Variants in TOX2 observed in about 807,000 individuals in gnomAD.
TOX2 encodes granulosa cell HMG box 1.
TOX2 carries 15 observed loss-of-function variants against 47.4 expected under a neutral mutation model. That is an observed-to-expected ratio of 0.32 (90% CI 0.21 to 0.49). The LOEUF (loss-of-function observed/expected upper bound fraction) is 0.49, where lower values mean the gene tolerates loss of function less well. Among genes scored for constraint, TOX2 ranks in the 20% least tolerant of loss-of-function variants. The pLI is 0.99. For missense variants in TOX2, 622 were observed against 673.1 expected (o/e 0.92, Z 0.84); for synonymous variants, 290 against 296.6 (o/e 0.98, Z 0.23).
At chr20:43,939,590 CA>C (rs1368567000) in intron 1 of TOX2, among the ~76,000 whole-genome samples, 5 of 152,172 alleles carry the variant, frequency 3.3e-5, no homozygotes, top group African/African-American at 1.2e-4. Flanking sequence ...GTAAGTCCCA[CA>C]AATGAATATG....
chr20:44,057,719 C>A (rs1385582692), intron 5 of TOX2, among the ~76,000 whole-genome samples: 1 of 151,852 alleles, frequency 6.6e-6, no homozygotes, highest in Non-Finnish European at 1.5e-5. Flanking sequence ...TGGCTTAAAA[C>A]AATAATCATT....
At chr20:43,995,276 G>A (rs1295492437) in intron 2 of TOX2, among the ~76,000 whole-genome samples, 2 of 152,046 alleles carry the variant, frequency 1.3e-5, no homozygotes, top group East Asian at 3.9e-4. Flanking sequence ...GGTGACATAG[G>A]GGTATTATCT....
chr20:43,997,882 G>A (rs1178851596), intron 2 of TOX2, among the ~76,000 whole-genome samples: 1 of 152,112 alleles, frequency 6.6e-6, no homozygotes, highest in Non-Finnish European at 1.5e-5. Flanking sequence ...GTATGTAGGA[G>A]GATTTCCCTC....
chr20:44,047,957 G>A (rs1468710696), intron 3 of TOX2, among the ~76,000 whole-genome samples: 1 of 152,016 alleles, frequency 6.6e-6, no homozygotes, highest in Admixed American at 6.5e-5. Context: ...GGTGGCTCAT[G>A]CCTGTAATCT....
intron 3 of TOX2, among the ~76,000 whole-genome samples, chr20:44,022,041 G>A (rs1600746968): frequency 6.6e-6 from 1 of 152,320 alleles, no homozygotes; most frequent in East Asian, 1.9e-4. Flanking sequence ...CTTAGCACGT[G>A]GCGGAAGGCC....
chr20:43,989,814 TA>T, intron 2 of TOX2, among the ~76,000 whole-genome samples: 1 of 152,006 alleles, frequency 6.6e-6, no homozygotes, highest in East Asian at 1.9e-4. Context: ...CAGCATATAT[TA>T]ATCATCTCAT....
In TOX2 at chr20:44,004,737, C is replaced by T. The variant is rs571523633; in HGVS notation, c.166-1810C>T. Among the ~76,000 whole-genome samples, 4 of 152,340 alleles carry T rather than the reference C, an allele frequency of 2.6e-5. No homozygotes were observed. In the South Asian group the frequency reaches 6.2e-4, roughly 24 times the overall value. On this transcript the variant is annotated intron_variant, in intron 2 of 8. Coordinates refer to ENST00000341197, the MANE Select transcript of TOX2 (RefSeq NM_001098797.2). ...CAGCAGACACTCAGGGAATTGGCCA[C>T]CACCAACCAGGTCCTGTGCCAGGCT...
At chr20:44,030,681 A>G (rs1222849496) in intron 3 of TOX2, among the ~76,000 whole-genome samples, 1 of 152,172 alleles carries the variant, frequency 6.6e-6, no homozygotes, top group Non-Finnish European at 1.5e-5. Flanking sequence ...TTGGGTGTAG[A>G]TGAGCTCCAC....
At chr20:44,000,017 C>T (rs1275145257) in intron 2 of TOX2, among the ~76,000 whole-genome samples, 2 of 152,210 alleles carry the variant, frequency 1.3e-5, no homozygotes, top group Non-Finnish European at 2.9e-5. Flanking sequence ...AGGAAGGGAA[C>T]AGCCATTGCA....
Position 44,006,717 on chromosome 20 carries a change from C to T in TOX2, c.336C>T (p.Ala112=). Residue 112 remains alanine, a synonymous_variant, in exon 3 of 9, where the codon GCC becomes GCT. Transcript: ENST00000341197. ...NGLLPAYSYQ[A]MDLPAIMVSN... Reference sequence around the variant, plus strand: ...TGCTCCCTGCCTACTCCTATCAGGCCATGGACCTCCCAGCCATCATGGTGT... The same window carrying T: ...TGCTCCCTGCCTACTCCTATCAGGCTATGGACCTCCCAGCCATCATGGTGT... The T allele has an allele frequency of 6.2e-7, 1 of 1,614,142 alleles. No homozygotes were observed. The highest frequency in any genetic ancestry group is 8.5e-7 in the Non-Finnish European group (1 of 1,180,048).
At chr20:43,917,939 T>C (rs1222412686) in intron 1 of TOX2, among the ~76,000 whole-genome samples, 1 of 152,182 alleles carries the variant, frequency 6.6e-6, no homozygotes, top group African/African-American at 2.4e-5. Flanking sequence ...CTGGGAACCA[T>C]TGGTCTCCTC....
rs115345035 is a variant in TOX2, at chr20:43,942,367, A to T, written c.99+27377A>T. ...AGCCTGGCCATTGTCCCTGCCCCTC[A>T]CCCTGGGAACAGCTGAACAACAAGG... On this transcript the variant is annotated intron_variant, in intron 1 of 8. Coordinates refer to ENST00000341197, the MANE Select transcript of TOX2 (RefSeq NM_001098797.2). Among the ~76,000 whole-genome samples, 880 of 152,302 alleles carry T rather than the reference A, an allele frequency of 5.8e-3. 10 individuals carry two copies. The highest frequency in any genetic ancestry group is 0.02 in the African/African-American group (831 of 41,540).
intron 1 of TOX2, among the ~76,000 whole-genome samples, chr20:43,967,966 TA>T (rs1318419873): frequency 6.6e-6 from 1 of 151,890 alleles, no homozygotes; most frequent in Non-Finnish European, 1.5e-5. Context: ...ATGTACCCCA[TA>T]AAAAAAACTG....
chr20:44,041,776 A>G (rs1271569077), intron 3 of TOX2, among the ~76,000 whole-genome samples: 1 of 152,214 alleles, frequency 6.6e-6, no homozygotes, highest in African/African-American at 2.4e-5. Flanking sequence ...ATTTTATTAA[A>G]TAGGTCCAAC....
chr20:43,934,788 G>GTATGTGTGTT (rs2069302298), intron 1 of TOX2, among the ~76,000 whole-genome samples: 1 of 130,476 alleles, frequency 7.7e-6, no homozygotes, highest in African/African-American at 2.9e-5. Context: ...GACTTCATCT[G>GTATGTGTGTT]TGTGTGTGTT....
chr20:44,066,170 C>A, intron 7 of TOX2, 63 bp downstream of exon 7: 1 of 1,450,944 alleles, frequency 6.9e-7, no homozygotes, highest in East Asian at 2.4e-5. Context: ...CGGCTTTGCC[C>A]TTTCAAACCC....
chr20:44,010,652 C>T lies in TOX2; in HGVS notation c.411+3860C>T, dbSNP rs556182380. ...GTGGGCATACACGCTACGTGGGTGA[C>T]GCTGGAATTGGTGTTAACACCTGCT... On this transcript the variant is annotated intron_variant, in intron 3 of 8. Transcript: ENST00000341197. Among the ~76,000 whole-genome samples, 8 of 152,226 alleles carry T rather than the reference C, an allele frequency of 5.3e-5. No individual in the cohort carries two copies. The South Asian group carries it at 8.3e-4, about 16-fold the overall frequency.
At chr20:43,936,357 C>T (rs2069327330) in intron 1 of TOX2, among the ~76,000 whole-genome samples, 1 of 152,230 alleles carries the variant, frequency 6.6e-6, no homozygotes, top group South Asian at 2.1e-4. Flanking sequence ...CTTATATTAG[C>T]TCCTGTATTG....
At chr20:43,917,892 T>C (rs1427352003) in intron 1 of TOX2, among the ~76,000 whole-genome samples, 1 of 152,200 alleles carries the variant, frequency 6.6e-6, no homozygotes, top group Non-Finnish European at 1.5e-5. Context: ...GCATAGGGAT[T>C]TGTGGCCCCA....
Sources: gnomAD v4.1 joint callset for allele counts (sites outside exome capture counted in the v4.1 genomes callset) on GRCh38, gnomAD v4.1.1 for gene constraint, MANE v1.5 for transcripts, NCBI Gene and HGNC (gene_info 2026-07-23, HGNC 2026-07-21) for gene names.